PUM2: variants seen among roughly 807,000 people sequenced by gnomAD.
PUM2 encodes the protein pumilio homolog 2.
PUM2 carries 57 observed loss-of-function variants against 124.5 expected under a neutral mutation model. The ratio of observed to expected loss-of-function variants is 0.46; its 90% CI spans 0.37 to 0.57. The LOEUF (loss-of-function observed/expected upper bound fraction) is 0.57, where lower values mean the gene tolerates loss of function less well. Among genes scored for constraint, PUM2 ranks in the 20% least tolerant of loss-of-function variants. The pLI is 0.00. For missense variants in PUM2, 1,065 were observed against 1,290.6 expected (o/e 0.83, Z 2.68); for synonymous variants, 460 against 446.1 (o/e 1.03, Z -0.39).
At chr2:20,266,763 G>A (rs1311662904) in intron 13 of PUM2, among the ~76,000 whole-genome samples, 1 of 152,142 alleles carries the variant, frequency 6.6e-6, no homozygotes, top group African/African-American at 2.4e-5. Context: ...GAAACAGTTC[G>A]AGATTAAAGA....
At chr2:20,258,412 T>TA (rs1665338248) in intron 15 of PUM2, 41 bp from the exon 16 acceptor site, 2 of 1,593,544 alleles carry the variant, frequency 1.3e-6, no homozygotes, top group East Asian at 4.5e-5. Flanking sequence ...GTGACCTTAA[T>TA]ATTGCTTTGT....
rs142445572 is a variant in PUM2, at chr2:20,341,140, GGGGCCACA to G, written c.-19+9449_-19+9456del. On this transcript the variant is annotated intron_variant, in intron 1 of 20. Coordinates refer to ENST00000361078, the MANE Select transcript of PUM2 (RefSeq NM_015317.5). ...CAAGACCAGCGTAGGCAACATAGCA[GGGGCCACA>G]GCTCTTACCTGCGCTCTGCACAGCC... Among the ~76,000 whole-genome samples, 967 of 152,248 alleles carry G rather than the reference GGGGCCACA, an allele frequency of 6.4e-3. 14 individuals are homozygous for G. Among genetic ancestry groups the G allele is most frequent in the African/African-American group, 0.022 (930 of 41,532 alleles).
In PUM2 at chr2:20,314,227, G is replaced by A. The variant is rs1053781635; in HGVS notation, c.161-1804C>T. On this transcript the variant is annotated intron_variant, in intron 3 of 20. Transcript: ENST00000361078. ...AAACACTTCTCAAGTTCACAGTTAC[G>A]CACTGGATAGATCAGAACTCACGAC... Among the ~76,000 whole-genome samples the A allele has an allele frequency of 3.3e-5, 5 of 151,984 alleles. No individual in the cohort carries two copies. The East Asian group carries it at 7.7e-4, about 23-fold the overall frequency.
At position 20,256,203 on chromosome 2, in the gene PUM2, C is replaced by A. The variant is rs754863205; in HGVS notation, c.2485-33G>T. On this transcript the variant is annotated intron_variant, in intron 16 of 20. Transcript: ENST00000361078. ...AGACAGGATGTCATTTAAATTATTACCTCAAACGAGAAAATACTAGTATAT... is the reference window on the plus strand; with the variant it reads ...AGACAGGATGTCATTTAAATTATTAACTCAAACGAGAAAATACTAGTATAT... 6 of 1,546,380 alleles carry A rather than the reference C, an allele frequency of 3.9e-6. No individual in the cohort carries two copies. In the South Asian group the frequency reaches 7.8e-5, roughly 20 times the overall value.
intron 13 of PUM2, among the ~76,000 whole-genome samples, chr2:20,268,385 G>A (rs1220094420): frequency 6.6e-6 from 1 of 152,186 alleles, no homozygotes; most frequent in Non-Finnish European, 1.5e-5. Flanking sequence ...GCTGAGGTGG[G>A]CGGATCACTT....
At chr2:20,348,094 G>A (rs191771483) in intron 1 of PUM2, among the ~76,000 whole-genome samples, 14 of 151,936 alleles carry the variant, frequency 9.2e-5, no homozygotes, top group African/African-American at 3.4e-4. Flanking sequence ...AGGCCAAGGC[G>A]GGAGAACTGC....
chr2:20,341,939 G>A (rs1247296438), intron 1 of PUM2, among the ~76,000 whole-genome samples: 3 of 152,026 alleles, frequency 2.0e-5, no homozygotes, highest in Admixed American at 6.5e-5. Flanking sequence ...AGACCAGGGT[G>A]GCCAACATGG....
intron 13 of PUM2, among the ~76,000 whole-genome samples, chr2:20,269,366 A>G (rs1186409916): frequency 2.0e-5 from 3 of 151,856 alleles, no homozygotes; most frequent in African/African-American, 4.8e-5. Flanking sequence ...ACGCCCGGCT[A>G]ATTTTTTTTT....
At chr2:20,342,413 CTTCT>C (rs755379324) in intron 1 of PUM2, among the ~76,000 whole-genome samples, 1 of 152,028 alleles carries the variant, frequency 6.6e-6, no homozygotes, top group Non-Finnish European at 1.5e-5. Context: ...TCTTTCCTTC[CTTCT>C]GTTACTGGCT....
chr2:20,263,482 C>T lies in PUM2; in HGVS notation c.1958-22G>A, dbSNP rs1380954081. On this transcript the variant is annotated intron_variant, in intron 13 of 20. Transcript: ENST00000361078. ...CCTCCTACAACAAAGCAGCTATGGT[C>T]AGCAAGTATTTTTGACAAAGTTATT... 8 of 1,559,584 alleles carry T rather than the reference C, an allele frequency of 5.1e-6. No individual in the cohort carries two copies. The South Asian group carries it at 7.1e-5, about 14-fold the overall frequency.
chr2:20,261,362 C>T (rs527604451), intron 14 of PUM2, among the ~76,000 whole-genome samples: 122 of 129,726 alleles, frequency 9.4e-4, no homozygotes, highest in Non-Finnish European at 1.7e-3. Context: ...CCATTGCACT[C>T]CAGCCTAAGC....
At chr2:20,256,987 T>C (rs1664930432) in intron 16 of PUM2, among the ~76,000 whole-genome samples, 1 of 130,024 alleles carries the variant, frequency 7.7e-6, no homozygotes, top group African/African-American at 3.0e-5. Context: ...GAGGTTGCAG[T>C]GAGCCAAGAT....
Position 20,331,131 on chromosome 2 carries a change from GA to G in PUM2, c.-18-3754del, listed in dbSNP as rs201576911. 6.0e-3 allele frequency among the ~76,000 whole-genome samples: 861 copies of G among 143,396 alleles called. 3 individuals carry two copies. The highest frequency in any genetic ancestry group is 8.4e-3 in the Non-Finnish European group (550 of 65,750). The allele number at this position is 143,396 out of a possible 152,430, so 94.1% of individuals were successfully genotyped here. ...TTTGGTTCAGACAACTTGGGGAGAG[GA>G]AAAAAAAAAAACCACACGCGTTGTT... On this transcript the variant is annotated intron_variant, in intron 1 of 20. Coordinates refer to ENST00000361078, the MANE Select transcript of PUM2 (RefSeq NM_015317.5).
At chr2:20,322,051 T>C (rs573985255) in intron 2 of PUM2, among the ~76,000 whole-genome samples, 8 of 152,304 alleles carry the variant, frequency 5.3e-5, no homozygotes, top group East Asian at 1.9e-4. Flanking sequence ...ACTTTTTAAA[T>C]TGTTATGGAA....
At chr2:20,312,452 A>G (rs1393842216) in intron 3 of PUM2, 29 bp from the exon 4 acceptor site, 2 of 1,567,028 alleles carry the variant, frequency 1.3e-6, no homozygotes, top group Non-Finnish European at 1.7e-6. Flanking sequence ...ACAATTATAT[A>G]CTTATACTTT....
At chr2:20,284,501 A>C (rs1301002515) in intron 10 of PUM2, among the ~76,000 whole-genome samples, 1 of 151,460 alleles carries the variant, frequency 6.6e-6, no homozygotes, top group Non-Finnish European at 1.5e-5. Context: ...GACTACAGGT[A>C]CATGCCACCA....
Position 20,266,749 on chromosome 2 carries a change from A to C in PUM2, c.1958-3289T>G, listed in dbSNP as rs1316182815. On this transcript the variant is annotated intron_variant, in intron 13 of 20. Transcript: ENST00000361078. ...CTTTAAAAATGTCAAGGTCATAAAA[A>C]ACAGAAACAGTTCGAGATTAAAGAA... is the stretch of plus-strand genomic sequence containing the variant. 2.6e-5 allele frequency among the ~76,000 whole-genome samples: 4 copies of C among 152,182 alleles called. 1 individual carries two copies. Among genetic ancestry groups the C allele is most frequent in the African/African-American group, 9.7e-5 (4 of 41,430 alleles).
intron 13 of PUM2, among the ~76,000 whole-genome samples, chr2:20,274,937 C>T (rs1426328039): frequency 2.8e-5 from 1 of 36,052 alleles, no homozygotes; most frequent in Non-Finnish European, 5.6e-5. Flanking sequence ...TAATGTTCTT[C>T]ACAACAAGTG....
intron 1 of PUM2, among the ~76,000 whole-genome samples, chr2:20,346,529 G>C (rs1688274973): frequency 6.6e-6 from 1 of 152,098 alleles, no homozygotes; most frequent in Admixed American, 6.5e-5. Flanking sequence ...AAGACCAATT[G>C]CATCTTTCTC....
Sources: gnomAD v4.1 joint callset for allele counts (sites outside exome capture counted in the v4.1 genomes callset) on GRCh38, gnomAD v4.1.1 for gene constraint, MANE v1.5 for transcripts, NCBI Gene and HGNC (gene_info 2026-07-23, HGNC 2026-07-21) for gene names.